Variants in SHISAL2B observed in about 807,000 individuals in gnomAD.
SHISAL2B encodes protein shisa-like-2B.
Under a neutral mutation model 16.5 loss-of-function variants are expected in SHISAL2B, and 12 were observed. That is an observed-to-expected ratio of 0.73 (90% confidence interval 0.47 to 1.18). The LOEUF (loss-of-function observed/expected upper bound fraction) is 1.18, where lower values mean the gene tolerates loss of function less well. Ranked by LOEUF, SHISAL2B falls within the 50% of genes most tolerant of loss-of-function variation. The probability of loss-of-function intolerance (pLI) is 0.00; values close to 1 mark genes in which losing one functional copy is unlikely to be tolerated. For missense variants in SHISAL2B, 183 were observed against 193.6 expected, an observed-to-expected ratio of 0.95 and a Z score of 0.33; for synonymous variants, 72 against 75.0, an observed-to-expected ratio of 0.96 and a Z score of 0.21.
intron 2 of SHISAL2B, among the ~76,000 whole-genome samples, chr5:64,715,455 AGGAG>A (rs1025079216): frequency 6.6e-5 from 10 of 152,030 alleles, no homozygotes; most frequent in African/African-American, 2.4e-4. Context: ...CTTCAAGCAA[AGGAG>A]GCTGGAGAAT....
chr5:64,695,385 TA>T (rs1741718229), intron 1 of SHISAL2B, 121 bp from the exon 2 acceptor site: 2 of 599,112 alleles, frequency 3.3e-6, no homozygotes, highest in Non-Finnish European at 5.2e-6. Context: ...CTTTTTATGC[TA>T]AAATACAATT....
At chr5:64,715,902 A>T (rs556699135) in intron 2 of SHISAL2B, among the ~76,000 whole-genome samples, 31 of 152,362 alleles carry the variant, frequency 2.0e-4, no homozygotes, top group African/African-American at 7.2e-4. Flanking sequence ...TAAAATAACC[A>T]GTGAAGAAGA....
chr5:64,691,427 G>A (rs1170333461), intron 1 of SHISAL2B: 1 of 147,496 alleles, frequency 6.8e-6, no homozygotes, highest in African/African-American at 2.5e-5. Context: ...GCAAGCAACT[G>A]GGCTTTACGA....
Position 64,718,081 on chromosome 5 carries a change from G to T in SHISAL2B, c.*59G>T. 7.2e-7 allele frequency: 1 copy of T among 1,386,718 alleles called. No homozygotes were observed. Among genetic ancestry groups the T allele is most frequent in the South Asian group, 1.6e-5 (1 of 63,766 alleles). The allele number at this position is 1,386,718 out of a possible 1,614,324, so 85.9% of individuals were successfully genotyped here. A position where few individuals can be genotyped will look rare whatever the true frequency, so the allele number is the denominator to read the frequency against. On this transcript the variant is annotated 3_prime_UTR_variant, in exon 3 of 3. Transcript: ENST00000389074. ...AGATGGGACAATAAAAATAAAGCGT[G>T]CACTTGAAACGGTTTGTAATATTGC...
chr5:64,698,474 C>A (rs1394966026), intron 2 of SHISAL2B, among the ~76,000 whole-genome samples: 1 of 152,186 alleles, frequency 6.6e-6, no homozygotes, highest in Non-Finnish European at 1.5e-5. Flanking sequence ...CTTCCTGACT[C>A]AGGGTCTTTG....
At chr5:64,698,017 G>A (rs1356810323) in intron 2 of SHISAL2B, among the ~76,000 whole-genome samples, 1 of 152,212 alleles carries the variant, frequency 6.6e-6, no homozygotes, top group African/African-American at 2.4e-5. Context: ...TGGCCAAAAT[G>A]ACAGGTTGTT....
chr5:64,714,574 C>T (rs1022539708), intron 2 of SHISAL2B, among the ~76,000 whole-genome samples: 19 of 152,154 alleles, frequency 1.2e-4, no homozygotes, highest in African/African-American at 3.9e-4. Context: ...CCACCCAGTT[C>T]GAGCTTCCCG....
rs1211089290 is a variant in SHISAL2B, at chr5:64,717,994, A to C, written c.455A>C (p.Asp152Ala). Residue 152 changes from aspartate to alanine, a missense_variant, in exon 3 of 3, where the codon GAT becomes GCT. By Grantham distance (126) the Asp-to-Ala change is moderately radical. Transcript: ENST00000389074. ...ADDIIQEKTM[D>A]ATQIHIAY ...GATATAATTCAAGAAAAAACAATGG[A>C]TGCAACACAAATCCACATTGCTTAT... The C allele has an allele frequency of 1.3e-6, 2 of 1,518,956 alleles. No homozygotes were observed. Among genetic ancestry groups the C allele is most frequent in the African/African-American group, 2.8e-5 (2 of 72,080 alleles). The allele number at this position is 1,518,956 out of a possible 1,614,324, so 94.1% of individuals were successfully genotyped here.
chr5:64,707,284 A>G (rs1007992617), intron 2 of SHISAL2B, among the ~76,000 whole-genome samples: 2 of 152,162 alleles, frequency 1.3e-5, no homozygotes, highest in Non-Finnish European at 2.9e-5. Context: ...GAGCCCAGCC[A>G]TAAGTTTGTA....
intron 2 of SHISAL2B, among the ~76,000 whole-genome samples, chr5:64,711,139 G>A (rs1368014552): frequency 8.4e-6 from 1 of 118,356 alleles, no homozygotes. Flanking sequence ...AATGCTTCCA[G>A]TTTTTGCCCA....
chr5:64,705,022 A>C (rs911511149), intron 2 of SHISAL2B, among the ~76,000 whole-genome samples: 5 of 152,212 alleles, frequency 3.3e-5, no homozygotes, highest in African/African-American at 1.2e-4. Context: ...TTCACGTAGC[A>C]ATTTGGTTTT....
intron 2 of SHISAL2B, among the ~76,000 whole-genome samples, chr5:64,714,680 G>A (rs1217038255): frequency 6.6e-6 from 1 of 152,200 alleles, no homozygotes; most frequent in Non-Finnish European, 1.5e-5. Context: ...TGCTGTGCTA[G>A]CAATCAGCGA....
Position 64,717,950 on chromosome 5 carries a change from A to G in SHISAL2B, c.411A>G (p.Glu137=). 2 of 1,524,502 alleles carry G rather than the reference A, an allele frequency of 1.3e-6. No homozygotes were observed. The highest frequency in any genetic ancestry group is 1.7e-6 in the Non-Finnish European group (2 of 1,144,342). 94.4% of individuals were successfully genotyped at this position (1,524,502 alleles called of 1,614,324 possible). A position where few individuals can be genotyped will look rare whatever the true frequency, so the allele number is the denominator to read the frequency against. The change falls in exon 3 of 3, where the codon GAA becomes GAG. Residue 137 remains glutamate, a synonymous_variant. Transcript: ENST00000389074. The part of the protein sequence containing the change: ...NSNAASNATN[E]TYYEADDIIQ... The stretch of plus-strand genomic sequence containing the variant: ...ATGCAGCATCAAATGCAACAAATGA[A>G]ACATACTATGAAGCTGATGATATAA...
chr5:64,704,491 T>C (rs1385521121), intron 2 of SHISAL2B, among the ~76,000 whole-genome samples: 1 of 152,148 alleles, frequency 6.6e-6, no homozygotes, highest in Non-Finnish European at 1.5e-5. Flanking sequence ...ATACAATGAC[T>C]AGAACAACAA....
At chr5:64,694,292 A>ACACTAC in intron 1 of SHISAL2B, 1 of 285,990 alleles carries the variant, frequency 3.5e-6, no homozygotes, top group South Asian at 3.2e-5. Context: ...AGTGTGTACA[A>ACACTAC]CACTACCATG....
intron 2 of SHISAL2B, among the ~76,000 whole-genome samples, chr5:64,698,177 G>C (rs1485843171): frequency 6.6e-6 from 1 of 152,172 alleles, no homozygotes; most frequent in African/African-American, 2.4e-5. Context: ...ATCATGTAGA[G>C]AGCTTGTTAA....
chr5:64,706,500 T>C, intron 2 of SHISAL2B, among the ~76,000 whole-genome samples: 1 of 152,258 alleles, frequency 6.6e-6, no homozygotes, highest in South Asian at 2.1e-4. Flanking sequence ...TCCTTTCACA[T>C]TTCCACCCTT....
Position 64,690,833 on chromosome 5 carries a change from C to A in SHISAL2B, c.191+19C>A. ...GCCTCAGGTGGGCTGAGAGCCCGCG[C>A]GTGCGGCGGCTGGCCGAGCCCGGGG... On this transcript the variant is annotated intron_variant, in intron 1 of 2. Coordinates refer to ENST00000389074, the MANE Select transcript of SHISAL2B (RefSeq NM_001164442.2). 1 of 1,482,514 alleles carries A rather than the reference C, an allele frequency of 6.7e-7. No individual in the cohort carries two copies. Among genetic ancestry groups the A allele is most frequent in the Non-Finnish European group, 8.9e-7 (1 of 1,117,496 alleles). 91.8% of individuals were successfully genotyped at this position (1,482,514 alleles called of 1,614,324 possible). A position where few individuals can be genotyped will look rare whatever the true frequency, so the allele number is the denominator to read the frequency against.
chr5:64,703,798 C>T (rs1741842593), intron 2 of SHISAL2B, among the ~76,000 whole-genome samples: 1 of 152,052 alleles, frequency 6.6e-6, no homozygotes, highest in African/African-American at 2.4e-5. Context: ...AAGGGCAAGT[C>T]CAAGATTCTA....
Sources: allele counts gnomAD v4.1 joint callset (sites outside exome capture counted in the v4.1 genomes callset), GRCh38; gene constraint gnomAD v4.1.1; transcripts MANE v1.5; gene names NCBI Gene and HGNC (gene_info 2026-07-23, HGNC 2026-07-21).